The following HMGB1 variants were observed in gnomAD, a reference collection of about 807,000 sequenced individuals.
HMGB1 encodes high mobility group box 1, also known as high mobility group protein B1.
For missense variants in HMGB1, 79 were observed against 253.5 expected (o/e 0.31, Z 4.67); for synonymous variants, 81 against 84.0 (o/e 0.96, Z 0.19).
intron 2 of HMGB1, 60 bp from the exon 3 acceptor site, chr13:30,463,412 C>A: frequency 1.3e-6 from 2 of 1,544,528 alleles, no homozygotes; most frequent in Non-Finnish European, 1.8e-6. Context: ...TCCTCAAAAC[C>A]AATGTCTTTT....
chr13:30,523,243 C>T (rs1474332156), intron 1 of HMGB1, among the ~76,000 whole-genome samples: 2 of 152,204 alleles, frequency 1.3e-5, no homozygotes, highest in Non-Finnish European at 2.9e-5. Context: ...TTTGCTTACG[C>T]TTACATTTTC....
intron 1 of HMGB1, among the ~76,000 whole-genome samples, chr13:30,508,952 T>C (rs1887930436): frequency 6.6e-6 from 1 of 152,224 alleles, no homozygotes; most frequent in South Asian, 2.1e-4. Context: ...TGTTTTGTTT[T>C]GAGACAGGGT....
At chr13:30,550,774 T>C (rs1869390855) in intron 1 of HMGB1, among the ~76,000 whole-genome samples, 1 of 152,250 alleles carries the variant, frequency 6.6e-6, no homozygotes, top group Non-Finnish European at 1.5e-5. Context: ...TCAAGTTGTA[T>C]GAAATATAAA....
chr13:30,538,478 C>CT (rs904602490), intron 1 of HMGB1, among the ~76,000 whole-genome samples: 1 of 32,170 alleles, frequency 3.1e-5, no homozygotes, highest in Non-Finnish European at 7.6e-5. Context: ...TTCTTTCTTT[C>CT]TTTCTTTCTT....
intron 3 of HMGB1, 33 bp downstream of exon 3, chr13:30,463,174 T>TAC: frequency 1.9e-6 from 3 of 1,594,384 alleles, no homozygotes; most frequent in Non-Finnish European, 2.6e-6. Flanking sequence ...CTGTAAAACG[T>TAC]GTCTGGGAAG....
Position 30,603,388 on chromosome 13 carries a change from T to G in HMGB1, c.-15+13283A>C, listed in dbSNP as rs572590690. ...TGAACTGGGCATTGGCTCCACTCCT[T>G]CTCCTTCTCTTTACTATTAATACCC... On this transcript the variant is annotated intron_variant, in intron 1 of 4. Coordinates refer to the HMGB1 transcript ENST00000405805. 3.9e-5 allele frequency among the ~76,000 whole-genome samples: 6 copies of G among 152,270 alleles called. No individual in the cohort carries two copies. In the South Asian group the frequency reaches 1.2e-3, roughly 32 times the overall value.
intron 1 of HMGB1, among the ~76,000 whole-genome samples, chr13:30,514,555 C>T (rs772247506): frequency 5.9e-5 from 9 of 152,092 alleles, no homozygotes; most frequent in South Asian, 2.1e-4. Flanking sequence ...TTTTTATAAA[C>T]GACTGCAGCA....
intron 1 of HMGB1, among the ~76,000 whole-genome samples, chr13:30,583,554 A>C (rs1486128599): frequency 1.3e-5 from 2 of 148,770 alleles, no homozygotes; most frequent in Non-Finnish European, 3.0e-5. Flanking sequence ...AAAAAAAAGA[A>C]GCAGGGCAAG....
chr13:30,521,929 T>A (rs1263776391), intron 1 of HMGB1, among the ~76,000 whole-genome samples: 2 of 152,200 alleles, frequency 1.3e-5, no homozygotes, highest in African/African-American at 4.8e-5. Context: ...TGTGAACTTA[T>A]AACTCATTAT....
Position 30,559,736 on chromosome 13 carries a change from T to C in HMGB1, c.-15+56935A>G, listed in dbSNP as rs1566025193. Among the ~76,000 whole-genome samples, 1 of 152,096 alleles carries C rather than the reference T, an allele frequency of 6.6e-6. No homozygotes were observed. Among genetic ancestry groups the C allele is most frequent in the Non-Finnish European group, 1.5e-5 (1 of 68,022 alleles). On this transcript the variant is annotated intron_variant, in intron 1 of 4. Transcript: ENST00000405805. This position sits in a 1 kb window ranked among gnomAD's most constrained non-coding sequence, Gnocchi z 6.6. ...TTACAAAAATGTATTTCAGCCCAAG[T>C]CTCTCCATAACTACTAACAAGGGAC...
chr13:30,519,322 G>A (rs1888175386), intron 1 of HMGB1, among the ~76,000 whole-genome samples: 1 of 150,416 alleles, frequency 6.6e-6, no homozygotes, highest in Non-Finnish European at 1.5e-5. Context: ...GAACCCAGGA[G>A]ATGGAGGTTG....
chr13:30,488,641 T>A (rs1292407600), intron 1 of HMGB1, among the ~76,000 whole-genome samples: 1 of 136,622 alleles, frequency 7.3e-6, no homozygotes, highest in Non-Finnish European at 1.5e-5. Flanking sequence ...GGCTAATTTT[T>A]AATTTTATTA....
At chr13:30,463,132 A>G in intron 3 of HMGB1, 75 bp downstream of exon 3, 1 of 1,406,492 alleles carries the variant, frequency 7.1e-7, no homozygotes. Context: ...CTAAACTGAC[A>G]AAGTAGCTTG....
intron 1 of HMGB1, among the ~76,000 whole-genome samples, chr13:30,562,999 T>C (rs1298664069): frequency 6.6e-6 from 1 of 152,204 alleles, no homozygotes; most frequent in Non-Finnish European, 1.5e-5. Context: ...GCGATGTATG[T>C]TCTACATGGT....
intron 1 of HMGB1, among the ~76,000 whole-genome samples, chr13:30,579,952 A>C (rs1870831480): frequency 6.6e-6 from 1 of 152,246 alleles, no homozygotes; most frequent in African/African-American, 2.4e-5. Flanking sequence ...CATCTGGTAC[A>C]ATAATGAAGT....
intron 1 of HMGB1, among the ~76,000 whole-genome samples, chr13:30,615,417 C>G (rs1211848646): frequency 6.6e-6 from 1 of 152,096 alleles, no homozygotes; most frequent in South Asian, 2.1e-4. Flanking sequence ...ATAACACATA[C>G]CAGGGGCCAA....
chr13:30,550,342 G>A (rs568587314), intron 1 of HMGB1, among the ~76,000 whole-genome samples: 1 of 152,112 alleles, frequency 6.6e-6, no homozygotes, highest in Admixed American at 6.6e-5. Flanking sequence ...GGCTTTCAAG[G>A]GGCTATCTAA....
At chr13:30,528,984 G>A (rs1050711919) in intron 1 of HMGB1, among the ~76,000 whole-genome samples, 3 of 136,768 alleles carry the variant, frequency 2.2e-5, no homozygotes, top group Non-Finnish European at 4.5e-5. Flanking sequence ...AGCCGAGATC[G>A]CGCCACTGCA....
At chr13:30,512,375 A>C (rs1387358039) in intron 1 of HMGB1, among the ~76,000 whole-genome samples, 1 of 152,216 alleles carries the variant, frequency 6.6e-6, no homozygotes, top group East Asian at 1.9e-4. Flanking sequence ...CCAAGGAGTG[A>C]AAAGTAGGCA....
Sources: allele counts gnomAD v4.1 joint callset (sites outside exome capture counted in the v4.1 genomes callset), GRCh38; gene constraint gnomAD v4.1.1; non-coding constraint Gnocchi (gnomAD v3.1); transcripts MANE v1.5; gene names NCBI Gene and HGNC (gene_info 2026-07-23, HGNC 2026-07-21).